The following SPEF2 variants were observed in gnomAD, a reference collection of about 807,000 sequenced individuals.
SPEF2 encodes sperm flagella and cilia-associated protein 2.
Under a neutral mutation model 224.6 loss-of-function variants are expected in SPEF2, and 187 were observed. The observed-to-expected ratio is 0.83, with a 90% CI of 0.74 to 0.94. The LOEUF (loss-of-function observed/expected upper bound fraction) is 0.94, where lower values mean the gene tolerates loss of function less well. SPEF2 is among the 40% of genes least tolerant of loss of function. The probability of loss-of-function intolerance (pLI) is 0.00; values close to 1 mark genes in which losing one functional copy is unlikely to be tolerated. For synonymous variants in SPEF2, 715 were observed against 707.3 expected, an observed-to-expected ratio of 1.01 and a Z score of -0.17; for missense variants, 2,170 against 2,135.6, an observed-to-expected ratio of 1.02 and a Z score of -0.32.
intron 30 of SPEF2, chr5:35,788,336 G>A (rs1341378646): frequency 1.4e-6 from 1 of 702,972 alleles, no homozygotes. Flanking sequence ...TATGAAAGGT[G>A]TTGATATTGG....
chr5:35,649,506 C>G (rs986248574), intron 6 of SPEF2, 81 bp downstream of exon 6: 3 of 1,064,264 alleles, frequency 2.8e-6, no homozygotes, highest in East Asian at 2.6e-5. Flanking sequence ...AATAGTTTAT[C>G]TGGAAGAGCT....
At position 35,667,098 on chromosome 5, in the gene SPEF2, CT is replaced by C; in HGVS notation, c.1197del (p.Phe399LeufsTer38). 1 of 1,607,458 alleles carries C rather than the reference CT, an allele frequency of 6.2e-7. No homozygotes were observed. The highest frequency in any genetic ancestry group is 1.7e-5 in the Admixed American group (1 of 58,826). On this transcript the variant is annotated frameshift_variant, in exon 9 of 37. Coordinates refer to ENST00000356031, the MANE Select transcript of SPEF2 (RefSeq NM_024867.4). LOFTEE classifies it high-confidence loss of function. ...AALAKQAKID[F>X]EEQFLKEKRF... ...CTTTGGCAAAACAAGCCAAGATTGACTTTGAAGAACAATTCCTTAAAGAAAA... is the reference window on the plus strand; with the variant it reads ...CTTTGGCAAAACAAGCCAAGATTGACTTGAAGAACAATTCCTTAAAGAAAA...
intron 20 of SPEF2, among the ~76,000 whole-genome samples, chr5:35,722,642 C>A (rs1330103022): frequency 9.6e-6 from 1 of 104,382 alleles, no homozygotes; most frequent in Non-Finnish European, 1.9e-5. Flanking sequence ...CCCCTCCCCC[C>A]ACCCCACAAC....
intron 20 of SPEF2, among the ~76,000 whole-genome samples, chr5:35,716,654 A>G (rs994042733): frequency 3.9e-5 from 6 of 152,188 alleles, no homozygotes; most frequent in Admixed American, 2.0e-4. Context: ...TATTTGAAAT[A>G]TGTGAACTCT....
chr5:35,669,199 A>G (rs1277792677), intron 9 of SPEF2, among the ~76,000 whole-genome samples: 4 of 152,158 alleles, frequency 2.6e-5, no homozygotes, highest in African/African-American at 7.2e-5. Context: ...TATTTCACTT[A>G]GCATAACGTC....
In SPEF2 at chr5:35,793,226, T is replaced by C. The variant is rs780552635; in HGVS notation, c.4622T>C (p.Val1541Ala). Residue 1541 changes from valine to alanine, a missense_variant, in exon 32 of 37, where the codon GTA becomes GCA. Coordinates refer to ENST00000356031, the MANE Select transcript of SPEF2 (RefSeq NM_024867.4). ...EFVDWRKFLL[V>A]TSMPWPIPLE... ...GTGGACTGGCGGAAGTTCCTGTTAG[T>C]AACCTCAATGCCTTGGCCCATTCCC... 5 of 1,614,194 alleles carry C rather than the reference T, an allele frequency of 3.1e-6. No homozygotes were observed. Among genetic ancestry groups the C allele is most frequent in the Non-Finnish European group, 4.2e-6 (5 of 1,180,018 alleles).
At chr5:35,787,136 C>T (rs1053789886) in intron 30 of SPEF2, among the ~76,000 whole-genome samples, 1 of 152,078 alleles carries the variant, frequency 6.6e-6, no homozygotes, top group South Asian at 2.1e-4. Context: ...AAATATATGT[C>T]CCCTTGTGTG....
rs1580821990 is a variant in SPEF2, at chr5:35,814,355, T to C, written c.5380-109T>C. Reference sequence around the variant, plus strand: ...TCAGTGGAAAAAAAGAAATAAAAACTGTTTAATGGTTGCCATGTACTATGT... The same window carrying C: ...TCAGTGGAAAAAAAGAAATAAAAACCGTTTAATGGTTGCCATGTACTATGT... On this transcript the variant is annotated intron_variant, in intron 36 of 36. Coordinates refer to ENST00000356031, the MANE Select transcript of SPEF2 (RefSeq NM_024867.4). The C allele has an allele frequency of 1.6e-5, 8 of 506,104 alleles. 1 individual carries two copies. In the East Asian group the frequency reaches 2.8e-4, roughly 18 times the overall value. The allele number at this position is 506,104 out of a possible 1,614,324, so 31.4% of individuals were successfully genotyped here.
intron 25 of SPEF2, among the ~76,000 whole-genome samples, chr5:35,760,988 C>A (rs1429522512): frequency 6.6e-6 from 1 of 151,696 alleles, no homozygotes; most frequent in African/African-American, 2.4e-5. Flanking sequence ...AACATTATAT[C>A]AGATATGAGG....
chr5:35,690,952 G>C, intron 10 of SPEF2, 85 bp from the exon 11 acceptor site: 1 of 1,066,694 alleles, frequency 9.4e-7, no homozygotes, highest in Non-Finnish European at 1.3e-6. Flanking sequence ...CTATAATTTG[G>C]ATTTACTTTT....
chr5:35,659,010 T>C lies in SPEF2; in HGVS notation c.979-9T>C. ...TCACTTTAACAAATAATTCCCCTGG[T>C]GTTTTCAGGAGGCTTATCGGGAGGA... On this transcript the variant is annotated splice_polypyrimidine_tract_variant and intron_variant, in intron 7 of 36. Transcript: ENST00000356031. 1 of 1,523,722 alleles carries C rather than the reference T, an allele frequency of 6.6e-7. No individual in the cohort carries two copies. 94.4% of individuals were successfully genotyped at this position (1,523,722 alleles called of 1,614,324 possible).
At chr5:35,671,815 G>A (rs754976249) in intron 10 of SPEF2, among the ~76,000 whole-genome samples, 5 of 151,754 alleles carry the variant, frequency 3.3e-5, no homozygotes, top group Non-Finnish European at 5.9e-5. Context: ...TTAGGAGTTT[G>A]TGAGCGTCTA....
intron 20 of SPEF2, among the ~76,000 whole-genome samples, chr5:35,726,357 A>G (rs1407852630): frequency 2.0e-5 from 3 of 152,188 alleles, no homozygotes; most frequent in Non-Finnish European, 4.4e-5. Flanking sequence ...TAGAGTTATC[A>G]TTTGTACTTC....
At chr5:35,697,664 CT>C in intron 14 of SPEF2, 25 bp from the exon 15 acceptor site, 1 of 1,571,830 alleles carries the variant, frequency 6.4e-7, no homozygotes, top group East Asian at 2.2e-5. Flanking sequence ...TAGCCATCTT[CT>C]GTCATTTCTT....
At chr5:35,741,914 G>A (rs2149696151) in intron 23 of SPEF2, among the ~76,000 whole-genome samples, 1 of 152,264 alleles carries the variant, frequency 6.6e-6, no homozygotes, top group African/African-American at 2.4e-5. Flanking sequence ...CAGAGAATGA[G>A]AGGATTTGGA....
intron 26 of SPEF2, chr5:35,764,811 CTCTT>C (rs545937163): frequency 3.2e-4 from 138 of 437,238 alleles, no homozygotes; most frequent in African/African-American, 2.7e-3. Flanking sequence ...CTTCCTCCCT[CTCTT>C]TCTTTTGTTC....
intron 24 of SPEF2, among the ~76,000 whole-genome samples, chr5:35,757,388 G>A (rs1207502659): frequency 6.6e-6 from 1 of 152,094 alleles, no homozygotes; most frequent in Non-Finnish European, 1.5e-5. Flanking sequence ...TCATTATTAA[G>A]TAGTTTAGTT....
rs769772873 is a variant in SPEF2, at chr5:35,691,151, C to T, written c.1639C>T (p.Arg547Ter). The T allele has an allele frequency of 6.2e-6, 10 of 1,614,004 alleles. No homozygotes were observed. The highest frequency in any genetic ancestry group is 5.3e-5 in the African/African-American group (4 of 75,008). The change falls in exon 11 of 37, where the codon CGA (arginine) becomes TGA (stop). Residue 547 changes from arginine to a stop codon, truncating the protein, a stop_gained. Coordinates refer to ENST00000356031, the MANE Select transcript of SPEF2 (RefSeq NM_024867.4). LOFTEE classifies it high-confidence loss of function. ...GCTAGCTGAAAAATCTCTTCCTCCT[C>T]GAGCGGAATCAACAACACCTGAATT... ...HRLAEKSLPP[R>*]AESTTPELPS... is the part of the protein sequence containing the mutation.
At chr5:35,642,481 A>G (rs185571793) in intron 3 of SPEF2, among the ~76,000 whole-genome samples, 1 of 152,162 alleles carries the variant, frequency 6.6e-6, no homozygotes. Context: ...TGATACTGAT[A>G]TTGTTGGCTA....
Sources: gnomAD v4.1 joint callset for allele counts (sites outside exome capture counted in the v4.1 genomes callset) on GRCh38, gnomAD v4.1.1 for gene constraint, MANE v1.5 for transcripts, NCBI Gene and HGNC (gene_info 2026-07-23, HGNC 2026-07-21) for gene names.